The following GREM2 variants were observed in gnomAD, a reference collection of about 807,000 sequenced individuals.
The protein encoded by GREM2 is gremlin 2, DAN family BMP antagonist.
GREM2 carries 11 observed loss-of-function variants against 14.2 expected under a neutral mutation model. The observed-to-expected ratio is 0.78, with a 90% CI of 0.49 to 1.28. GREM2 has a LOEUF of 1.28. GREM2 is among the 50% of genes most tolerant of loss of function. The pLI, the probability that GREM2 is intolerant of heterozygous loss-of-function variation, is 0.00. For missense variants in GREM2, 210 were observed against 218.5 expected (o/e 0.96, Z 0.24); for synonymous variants, 98 against 97.6 (o/e 1.00, Z -0.02).
At chr1:240,547,307 T>C (rs1048398383) in intron 1 of GREM2, among the ~76,000 whole-genome samples, 12 of 151,842 alleles carry the variant, frequency 7.9e-5, no homozygotes, top group African/African-American at 2.2e-4. Context: ...AAGACCATCC[T>C]GGCTAACACT....
chr1:240,596,416 G>A (rs368216820), intron 1 of GREM2, among the ~76,000 whole-genome samples: 4 of 152,208 alleles, frequency 2.6e-5, no homozygotes, highest in Non-Finnish European at 4.4e-5. Flanking sequence ...AAGGTGGCTT[G>A]CCGGGCACGG....
rs1677318205 is a variant in GREM2 at position 240,493,465 on chromosome 1, T to C, written c.11A>G (p.Lys4Arg). The C allele has an allele frequency of 2.5e-6, 4 of 1,604,900 alleles. No individual in the cohort carries two copies. Among genetic ancestry groups the C allele is most frequent in the South Asian group, 1.1e-5 (1 of 90,116 alleles). MFW[K>R]LSLSLFLVAV... is the part of the protein sequence containing the mutation. ...CACCAGGAACAAGGACAGGGAAAGC[T>C]TCCAGAACATCCTGCAAACGAGAAA... Residue 4 changes from lysine to arginine, a missense_variant, in exon 2 of 2, where the codon AAG becomes AGG. Lys to Arg is a conservative substitution (Grantham distance 26). Transcript: ENST00000318160.
intron 1 of GREM2, among the ~76,000 whole-genome samples, chr1:240,568,505 A>G (rs1382082612): frequency 3.9e-5 from 6 of 152,194 alleles, no homozygotes; most frequent in African/African-American, 1.4e-4. Flanking sequence ...TTAAATTTAA[A>G]TGGCCTAAAC....
chr1:240,562,811 G>A (rs1273861492), intron 1 of GREM2, among the ~76,000 whole-genome samples: 5 of 151,812 alleles, frequency 3.3e-5, no homozygotes, highest in Non-Finnish European at 5.9e-5. Flanking sequence ...GTGTGTATGT[G>A]TGTATTGTGT....
At chr1:240,549,165 A>G (rs1024951051) in intron 1 of GREM2, among the ~76,000 whole-genome samples, 11 of 152,086 alleles carry the variant, frequency 7.2e-5, no homozygotes, top group African/African-American at 1.9e-4. Flanking sequence ...GAGAAACCCC[A>G]TCTCTACTAA....
intron 1 of GREM2, among the ~76,000 whole-genome samples, chr1:240,525,560 C>A (rs1174563570): frequency 6.6e-6 from 1 of 152,002 alleles, no homozygotes; most frequent in Admixed American, 6.6e-5. Context: ...CTCACTGCAA[C>A]CTCCGCCTCC....
At chr1:240,598,593 G>C (rs1679863772) in intron 1 of GREM2, among the ~76,000 whole-genome samples, 1 of 152,160 alleles carries the variant, frequency 6.6e-6, no homozygotes, top group African/African-American at 2.4e-5. Flanking sequence ...GAGCTCAGGA[G>C]TTTTGCTCCA....
intron 1 of GREM2, among the ~76,000 whole-genome samples, chr1:240,530,111 A>G (rs1292232590): frequency 6.6e-6 from 1 of 152,128 alleles, no homozygotes; most frequent in Non-Finnish European, 1.5e-5. Flanking sequence ...TCCCTAAAAC[A>G]TCAGTCTCTA....
intron 1 of GREM2, among the ~76,000 whole-genome samples, chr1:240,500,664 G>A (rs1463205219): frequency 1.3e-5 from 2 of 152,130 alleles, no homozygotes. Context: ...AGAGATATGT[G>A]TTTGGGATTT....
chr1:240,513,173 A>G (rs540709979), intron 1 of GREM2, among the ~76,000 whole-genome samples: 1 of 152,312 alleles, frequency 6.6e-6, no homozygotes, highest in South Asian at 2.1e-4. Flanking sequence ...TCCCTATGGC[A>G]TGCAACGTGA....
At chr1:240,594,726 A>C (rs1442786695) in intron 1 of GREM2, among the ~76,000 whole-genome samples, 1 of 151,840 alleles carries the variant, frequency 6.6e-6, no homozygotes, top group African/African-American at 2.4e-5. Context: ...ATTTATATAT[A>C]TGTATATATA....
chr1:240,583,403 C>G (rs561845697), intron 1 of GREM2, among the ~76,000 whole-genome samples: 2 of 152,212 alleles, frequency 1.3e-5, no homozygotes, highest in South Asian at 2.1e-4. Context: ...AACTTTGCTA[C>G]TAGAAAATTT....
chr1:240,606,105 T>C (rs1386062223), intron 1 of GREM2, among the ~76,000 whole-genome samples: 1 of 152,174 alleles, frequency 6.6e-6, no homozygotes, highest in Non-Finnish European at 1.5e-5. Context: ...TTTTGAAGAC[T>C]GTGTCTTTCA....
chr1:240,583,705 C>T (rs939313300), intron 1 of GREM2, among the ~76,000 whole-genome samples: 3 of 151,818 alleles, frequency 2.0e-5, no homozygotes, highest in Non-Finnish European at 4.4e-5. Context: ...AGGTTCAAGC[C>T]ATTCTCCTGC....
At chr1:240,522,219 G>A (rs1678118153) in intron 1 of GREM2, among the ~76,000 whole-genome samples, 1 of 151,660 alleles carries the variant, frequency 6.6e-6, no homozygotes. Context: ...GACGAAAAAA[G>A]GGATTATACT....
At chr1:240,497,988 G>T (rs1677469352) in intron 1 of GREM2, among the ~76,000 whole-genome samples, 1 of 152,204 alleles carries the variant, frequency 6.6e-6, no homozygotes, top group Admixed American at 6.6e-5. Flanking sequence ...AGTCAGTCTG[G>T]TCCTCAATTC....
rs1219166123 is a variant in GREM2 at position 240,491,641 on chromosome 1, A to G, written c.*1328T>C. 2 of 152,596 alleles carry G rather than the reference A, an allele frequency of 1.3e-5. No homozygotes were observed. The highest frequency in any genetic ancestry group is 1.3e-4 in the Admixed American group (2 of 15,280). 9.5% of individuals were successfully genotyped at this position (152,596 alleles called of 1,614,324 possible). ...TGCAGAACAGTTCAACTAGATTACTATTCTATATCTTTTATTCCTTACTCC... is the reference window on the plus strand; with the variant it reads ...TGCAGAACAGTTCAACTAGATTACTGTTCTATATCTTTTATTCCTTACTCC... On this transcript the variant is annotated 3_prime_UTR_variant, in exon 2 of 2. Transcript: ENST00000318160.
intron 1 of GREM2, among the ~76,000 whole-genome samples, chr1:240,545,484 CTAAAATTGT>C (rs748405889): frequency 6.6e-6 from 1 of 151,798 alleles, no homozygotes; most frequent in East Asian, 1.9e-4. Context: ...CTAATTGTAA[CTAAAATTGT>C]ACAAATTGTA....
chr1:240,583,662 C>T (rs1013978039), intron 1 of GREM2, among the ~76,000 whole-genome samples: 4 of 151,128 alleles, frequency 2.6e-5, no homozygotes, highest in African/African-American at 4.9e-5. Flanking sequence ...AGTGCAGTGA[C>T]GCTATCTCAG....
Sources: gnomAD v4.1 joint callset for allele counts (sites outside exome capture counted in the v4.1 genomes callset) on GRCh38, gnomAD v4.1.1 for gene constraint, MANE v1.5 for transcripts, NCBI Gene and HGNC (gene_info 2026-07-23, HGNC 2026-07-21) for gene names.